The following BAZ2A variants were observed in gnomAD, a reference collection of about 807,000 sequenced individuals.
BAZ2A encodes the protein bromodomain adjacent to zinc finger domain protein 2A.
Under a neutral mutation model 199.9 loss-of-function variants are expected in BAZ2A, and 34 were observed. The ratio of observed to expected loss-of-function variants is 0.17; its 90% CI spans 0.13 to 0.23. The LOEUF (loss-of-function observed/expected upper bound fraction) is 0.23, where lower values mean the gene tolerates loss of function less well. BAZ2A is among the 10% of genes least tolerant of loss of function. The pLI is 1.00. For missense variants in BAZ2A, 2,002 were observed against 2,391.1 expected (o/e 0.84, Z 3.39); for synonymous variants, 857 against 883.9 (o/e 0.97, Z 0.54).
At chr12:56,628,912 C>T (rs528148270) in intron 1 of BAZ2A, among the ~76,000 whole-genome samples, 3 of 152,136 alleles carry the variant, frequency 2.0e-5, no homozygotes, top group East Asian at 1.9e-4. Context: ...TTCTCTATGA[C>T]CTCTAGCTAA....
At chr12:56,602,346 A>G (rs1290327343) in intron 19 of BAZ2A, among the ~76,000 whole-genome samples, 154 bp from the exon 20 acceptor site, 1 of 152,242 alleles carries the variant, frequency 6.6e-6, no homozygotes, top group Non-Finnish European at 1.5e-5. Flanking sequence ...CAATGAACAC[A>G]GTATCTGGGG....
intron 1 of BAZ2A, chr12:56,636,127 C>A: frequency 1.3e-6 from 2 of 1,544,762 alleles, no homozygotes; most frequent in Non-Finnish European, 1.8e-6. Context: ...CTGAGTCAGC[C>A]AGGGAGGGAG....
intron 1 of BAZ2A, among the ~76,000 whole-genome samples, chr12:56,618,562 A>G (rs922697385): frequency 1.3e-5 from 2 of 152,168 alleles, no homozygotes; most frequent in African/African-American, 2.4e-5. Flanking sequence ...TGAGAAACAT[A>G]ATCTGTCTTG....
exon 1 of BAZ2A, chr12:56,636,215 C>T: frequency 6.3e-7 from 1 of 1,589,016 alleles, no homozygotes; most frequent in Non-Finnish European, 8.6e-7. Flanking sequence ...AGGCTGGGAC[C>T]ACCCAGCTCC....
At chr12:56,606,113 A>G (rs1412491463) in intron 12 of BAZ2A, 50 bp from the exon 13 acceptor site, 3 of 1,551,342 alleles carry the variant, frequency 1.9e-6, no homozygotes, top group African/African-American at 2.7e-5. Context: ...ATCAGTCACT[A>G]TCCTTCCCTG....
At chr12:56,635,041 G>T, upstream of BAZ2A, 1 of 984,704 alleles carries the variant, frequency 1.0e-6, no homozygotes, top group Non-Finnish European at 1.2e-6. This position sits in a 1 kb window ranked among gnomAD's most constrained non-coding sequence, Gnocchi z 4.1. Flanking sequence ...GCCCTGGGCC[G>T]GCGGCGGCGG....
Position 56,606,704 on chromosome 12 carries a change from T to C in BAZ2A, c.2122A>G (p.Ile708Val). ...ETLNEEDKAK[I>V]AKSKKKMRQK... ...CTCATCTTCTTCTTGCTTTTAGCAA[T>C]CTTTGCTTTATCCTCCTCATTCAAT... Residue 708 changes from isoleucine to valine, a missense_variant, in exon 11 of 29, where the codon ATT becomes GTT. This residue lies in a region of BAZ2A where 1,081 missense variants were observed against 1,274.7 expected (regional missense o/e 0.85). Coordinates refer to ENST00000549884, the MANE Select transcript of BAZ2A (RefSeq NM_001300905.2). The C allele has an allele frequency of 6.2e-7, 1 of 1,613,904 alleles. No individual in the cohort carries two copies. Among genetic ancestry groups the C allele is most frequent in the Non-Finnish European group, 8.5e-7 (1 of 1,179,876 alleles).
chr12:56,627,938 T>C (rs543596812), intron 1 of BAZ2A, among the ~76,000 whole-genome samples: 12 of 150,454 alleles, frequency 8.0e-5, no homozygotes, highest in African/African-American at 2.9e-4. Context: ...TCCCTGCACT[T>C]TGGGAGGCCG....
Position 56,609,815 on chromosome 12 carries a change from T to C in BAZ2A, c.2013A>G (p.Arg671=). Residue 671 remains arginine, a synonymous_variant, in exon 10 of 29, where the codon CGA becomes CGG. Transcript: ENST00000549884. ...TGATTTTGACCTTAGGTGGCCGACCTCGACCCCGTTTCACCTTGGGGACTT... is the reference window on the plus strand; with the variant it reads ...TGATTTTGACCTTAGGTGGCCGACCCCGACCCCGTTTCACCTTGGGGACTT... ...TKEVPKVKRG[R]GRPPKVKITE... 6.2e-7 allele frequency: 1 copy of C among 1,613,914 alleles called. No individual in the cohort carries two copies. Among genetic ancestry groups the C allele is most frequent in the South Asian group, 1.1e-5 (1 of 91,058 alleles).
chr12:56,634,599 G>A (rs1177489940), upstream of BAZ2A, among the ~76,000 whole-genome samples: 1 of 152,166 alleles, frequency 6.6e-6, no homozygotes, highest in Non-Finnish European at 1.5e-5. Flanking sequence ...CTCCCATTGG[G>A]GTTAGGAAGG....
At chr12:56,626,796 T>C (rs1951108442) in intron 1 of BAZ2A, among the ~76,000 whole-genome samples, 1 of 152,176 alleles carries the variant, frequency 6.6e-6, no homozygotes, top group East Asian at 1.9e-4. Flanking sequence ...ACAGGGAAAA[T>C]CAACTTGCTG....
chr12:56,605,072 C>A lies in BAZ2A; in HGVS notation c.2748+1G>T. The A allele has an allele frequency of 6.3e-7, 1 of 1,599,764 alleles. No individual in the cohort carries two copies. Among genetic ancestry groups the A allele is most frequent in the Non-Finnish European group, 8.5e-7 (1 of 1,170,306 alleles). ...TTACTTTGGGAGGGACTTGCACTCACCTGACAGTAGGAGGGAAAGCCAGGA... is the reference window on the plus strand; with the variant it reads ...TTACTTTGGGAGGGACTTGCACTCAACTGACAGTAGGAGGGAAAGCCAGGA... On this transcript the variant is annotated splice_donor_variant, in intron 14 of 28. Coordinates refer to ENST00000549884, the MANE Select transcript of BAZ2A (RefSeq NM_001300905.2). LOFTEE classifies it high-confidence loss of function.
chr12:56,623,053 G>A (rs935476780), intron 1 of BAZ2A, among the ~76,000 whole-genome samples: 4 of 152,044 alleles, frequency 2.6e-5, no homozygotes, highest in South Asian at 2.1e-4. Context: ...TGGCTAACAC[G>A]GTGAAACCCT....
At position 56,606,275 on chromosome 12, in the gene BAZ2A, T is replaced by G; in HGVS notation, c.2231A>C (p.Lys744Thr). 6.2e-7 allele frequency: 1 copy of G among 1,614,038 alleles called. No homozygotes were observed. The highest frequency in any genetic ancestry group is 8.5e-7 in the Non-Finnish European group (1 of 1,179,900). ...NKRKQETKSL[K>T]QKEAKKKSKA... The stretch of plus-strand genomic sequence containing the variant: ...GGATTTCTTCTTAGCTTCCTTCTGC[T>G]TTAAGCTCTTGGTCTCTTGTTTCCG... Residue 744 changes from lysine to threonine, a missense_variant, in exon 12 of 29, where the codon AAG becomes ACG. By Grantham distance (78) the Lys-to-Thr change is moderately conservative. Coordinates refer to ENST00000549884, the MANE Select transcript of BAZ2A (RefSeq NM_001300905.2).
chr12:56,599,704 G>A lies in BAZ2A; in HGVS notation c.5170C>T (p.Gln1724Ter), dbSNP rs1886241773. 6.2e-7 allele frequency: 1 copy of A among 1,613,362 alleles called. No individual in the cohort carries two copies. Among genetic ancestry groups the A allele is most frequent in the African/African-American group, 1.3e-5 (1 of 74,924 alleles). ...GDWFCTVCLA[Q>*]QVEGEFTQKP... ...GAAAGAAAGAGCAGAAGCCTTACCT[G>A]AGCCAAACAGACAGTACAGAACCAA... Residue 1724 changes from glutamine to a stop codon, truncating the protein, a stop_gained and splice_region_variant, in exon 26 of 29, where the codon CAG becomes TAG. Coordinates refer to ENST00000549884, the MANE Select transcript of BAZ2A (RefSeq NM_001300905.2). LOFTEE classifies it high-confidence loss of function.
rs1886377253 is a variant in BAZ2A at position 56,600,731 on chromosome 12, A to G, written c.4552T>C (p.Trp1518Arg). 3 of 1,613,540 alleles carry G rather than the reference A, an allele frequency of 1.9e-6. No individual in the cohort carries two copies. The highest frequency in any genetic ancestry group is 1.1e-5 in the South Asian group (1 of 91,062). The change falls in exon 23 of 29, where the codon TGG (tryptophan) becomes CGG (arginine). Residue 1518 changes from tryptophan (W) to arginine (R), a missense_variant. By Grantham distance (101) the Trp-to-Arg change is moderately radical. Around this residue, in one of 6 missense-constraint regions of BAZ2A, gnomAD observed 1,081 missense variants for 1,274.7 expected, o/e 0.85. Transcript: ENST00000549884. Reference protein sequence around the residue: ...TYETDLAVLQWVEELEQRVIM... With the variant: ...TYETDLAVLQRVEELEQRVIM... ...ACCCGCTGCTCCAGCTCCTCTACCC[A>G]TTGAAGCACTGCTAGGTCTGTCTCG...
intron 8 of BAZ2A, 42 bp downstream of exon 8, chr12:56,610,367 A>T (rs1592585214): frequency 6.2e-7 from 1 of 1,600,556 alleles, no homozygotes; most frequent in Non-Finnish European, 8.6e-7. Context: ...AAAGGAGTCC[A>T]CTGAGCCCAA....
chr12:56,637,798 G>A (rs1951480867), upstream of BAZ2A, among the ~76,000 whole-genome samples: 2 of 150,058 alleles, frequency 1.3e-5, no homozygotes, highest in Admixed American at 1.3e-4. Context: ...AATTTGTATT[G>A]AACAAAAGGC....
At chr12:56,606,493 C>G in intron 11 of BAZ2A, 140 bp downstream of exon 11, 1 of 1,205,578 alleles carries the variant, frequency 8.3e-7, no homozygotes, top group Non-Finnish European at 1.2e-6. Flanking sequence ...ACCCAATTCT[C>G]TAAATCAAGT....
Sources: gnomAD v4.1 joint callset for allele counts (sites outside exome capture counted in the v4.1 genomes callset) on GRCh38, gnomAD v4.1.1 for gene constraint, gnomAD v4.1.1 regional missense constraint, Gnocchi (gnomAD v3.1) non-coding constraint, MANE v1.5 for transcripts, NCBI Gene and HGNC (gene_info 2026-07-23, HGNC 2026-07-21) for gene names.